FMNL2: variants seen among roughly 807,000 people sequenced by gnomAD.
FMNL2 encodes formin like 2.
Under a neutral mutation model 130.2 loss-of-function variants are expected in FMNL2, and 51 were observed. The ratio of observed to expected loss-of-function variants is 0.39; its 90% CI spans 0.31 to 0.49. The LOEUF is 0.49. Among genes scored for constraint, FMNL2 ranks in the 20% least tolerant of loss-of-function variants. The pLI, the probability that FMNL2 is intolerant of heterozygous loss-of-function variation, is 0.85. For missense variants in FMNL2, 977 were observed against 1,316.2 expected (o/e 0.74, Z 3.99); for synonymous variants, 465 against 467.1 (o/e 1.00, Z 0.06).
chr2:152,560,272 G>A (rs1695454936), intron 5 of FMNL2, among the ~76,000 whole-genome samples: 1 of 151,878 alleles, frequency 6.6e-6, no homozygotes, highest in South Asian at 2.1e-4. Context: ...ATACAAGAGT[G>A]AGCAAGTTAA....
At chr2:152,507,762 C>T (rs1282231664) in intron 1 of FMNL2, among the ~76,000 whole-genome samples, 8 of 152,060 alleles carry the variant, frequency 5.3e-5, no homozygotes, top group Middle Eastern at 3.4e-3. Context: ...TTTTGTGTTT[C>T]GTGGTGGTCC....
intron 1 of FMNL2, among the ~76,000 whole-genome samples, chr2:152,443,911 A>G (rs1688202157): frequency 6.6e-6 from 1 of 152,156 alleles, no homozygotes; most frequent in South Asian, 2.1e-4. Flanking sequence ...AATGCCAGGA[A>G]ATTAAGTACT....
At chr2:152,580,323 A>G (rs1014817276) in intron 8 of FMNL2, among the ~76,000 whole-genome samples, 1 of 152,212 alleles carries the variant, frequency 6.6e-6, no homozygotes, top group Non-Finnish European at 1.5e-5. Flanking sequence ...TTCTCCTTCC[A>G]AAAATATTTC....
chr2:152,445,874 C>T (rs928188342), intron 1 of FMNL2, among the ~76,000 whole-genome samples: 18 of 152,158 alleles, frequency 1.2e-4, no homozygotes, highest in African/African-American at 4.3e-4. Context: ...GACAAGCAGC[C>T]TAGTACCTCC....
chr2:152,463,138 T>A (rs1460763980), intron 1 of FMNL2, among the ~76,000 whole-genome samples: 1 of 152,218 alleles, frequency 6.6e-6, no homozygotes, highest in Non-Finnish European at 1.5e-5. Flanking sequence ...ACCTGTTTGT[T>A]CTATCTCTTA....
intron 6 of FMNL2, among the ~76,000 whole-genome samples, chr2:152,573,789 G>A (rs1466567543): frequency 6.6e-6 from 1 of 152,046 alleles, no homozygotes; most frequent in Non-Finnish European, 1.5e-5. Context: ...TTTGAGCATA[G>A]AATACAACTA....
chr2:152,359,786 T>G (rs989793881), intron 1 of FMNL2, among the ~76,000 whole-genome samples: 1 of 152,234 alleles, frequency 6.6e-6, no homozygotes, highest in African/African-American at 2.4e-5. Flanking sequence ...GTTTCTCTAC[T>G]TCTACAAGAG....
chr2:152,417,855 CAG>C (rs1289523309), intron 1 of FMNL2, among the ~76,000 whole-genome samples: 1 of 152,048 alleles, frequency 6.6e-6, no homozygotes, highest in Non-Finnish European at 1.5e-5. Flanking sequence ...TCTTTTGAGA[CAG>C]AGTCTTGCTC....
chr2:152,476,723 G>A (rs1228448235), intron 1 of FMNL2, among the ~76,000 whole-genome samples: 1 of 151,852 alleles, frequency 6.6e-6, no homozygotes, highest in African/African-American at 2.4e-5. Context: ...GTAGATGAGA[G>A]ATAGTTTGGC....
intron 2 of FMNL2, among the ~76,000 whole-genome samples, chr2:152,524,088 G>A (rs995037392): frequency 3.3e-5 from 5 of 152,090 alleles, no homozygotes; most frequent in African/African-American, 1.2e-4. Flanking sequence ...GCAATTCACT[G>A]CTCATTTTTA....
At chr2:152,490,277 G>T (rs573035935) in intron 1 of FMNL2, among the ~76,000 whole-genome samples, 9 of 151,828 alleles carry the variant, frequency 5.9e-5, no homozygotes, top group African/African-American at 1.9e-4. Flanking sequence ...AGAGTGGTTG[G>T]GGGGAGTGGG....
intron 1 of FMNL2, among the ~76,000 whole-genome samples, chr2:152,444,585 TA>T (rs1021221704): frequency 6.6e-6 from 1 of 152,206 alleles, no homozygotes; most frequent in African/African-American, 2.4e-5. Context: ...AGCTCCCCTT[TA>T]TCCTAATGGG....
intron 1 of FMNL2, among the ~76,000 whole-genome samples, chr2:152,386,435 T>A (rs1684786879): frequency 6.6e-6 from 1 of 152,222 alleles, no homozygotes; most frequent in Admixed American, 6.5e-5. Flanking sequence ...ACCATAGCAG[T>A]TAATAAGTTA....
intron 1 of FMNL2, among the ~76,000 whole-genome samples, chr2:152,473,241 C>G (rs1479070499): frequency 2.0e-5 from 3 of 152,184 alleles, no homozygotes; most frequent in African/African-American, 7.2e-5. Context: ...GGGTCTCACT[C>G]TGTCTGCCAG....
intron 1 of FMNL2, among the ~76,000 whole-genome samples, chr2:152,468,780 C>T (rs1689694979): frequency 6.6e-6 from 1 of 152,110 alleles, no homozygotes; most frequent in Non-Finnish European, 1.5e-5. Flanking sequence ...GATGTGAATA[C>T]TCCCCTGTAC....
chr2:152,419,106 G>A (rs1246826172), intron 1 of FMNL2, among the ~76,000 whole-genome samples: 1 of 151,196 alleles, frequency 6.6e-6, no homozygotes, highest in Non-Finnish European at 1.5e-5. Flanking sequence ...TTTCATCCTT[G>A]ATCAGTTAAT....
intron 1 of FMNL2, among the ~76,000 whole-genome samples, chr2:152,516,073 G>A (rs1692750035): frequency 1.3e-5 from 2 of 152,046 alleles, no homozygotes; most frequent in Admixed American, 1.3e-4. Flanking sequence ...AGAATTCATT[G>A]TGCTACCCAG....
chr2:152,471,819 G>C (rs6434042), intron 1 of FMNL2, among the ~76,000 whole-genome samples: 3,007 of 152,260 alleles, frequency 0.02, 108 homozygotes, highest in African/African-American at 0.069. Context: ...GTCCACCTTG[G>C]TGTGTTTTTT....
chr2:152,584,554 A>C (rs892467512), intron 9 of FMNL2, among the ~76,000 whole-genome samples: 1 of 152,178 alleles, frequency 6.6e-6, no homozygotes, highest in Non-Finnish European at 1.5e-5. Context: ...TCACTGTTAG[A>C]GCATAGCCAA....
Sources: allele counts gnomAD v4.1 joint callset (sites outside exome capture counted in the v4.1 genomes callset), GRCh38; gene constraint gnomAD v4.1.1; transcripts MANE v1.5; gene names NCBI Gene and HGNC (gene_info 2026-07-23, HGNC 2026-07-21).